RCSD1: variants seen among roughly 807,000 people sequenced by gnomAD.
RCSD1 encodes RCSD domain containing 1.
In RCSD1, 26 loss-of-function variants were observed where a neutral mutation model predicts 42.5. The ratio of observed to expected loss-of-function variants is 0.61; its 90% CI spans 0.45 to 0.85. The LOEUF (loss-of-function observed/expected upper bound fraction) is 0.85. Among genes scored for constraint, RCSD1 ranks in the 40% least tolerant of loss-of-function variants. RCSD1 has a pLI of 0.00. For synonymous variants in RCSD1, 220 were observed against 212.2 expected, an observed-to-expected ratio of 1.04 and a Z score of -0.32; for missense variants, 571 against 528.3, an observed-to-expected ratio of 1.08 and a Z score of -0.79.
chr1:167,691,800 A>G lies in RCSD1; in HGVS notation c.270+1680A>G, dbSNP rs368678527. ...TACCTGAAATTTAATTCAAACTGAGAAGCCCTGATTCCACCCGGCTGCAGG... is the reference window on the plus strand; with the variant it reads ...TACCTGAAATTTAATTCAAACTGAGGAGCCCTGATTCCACCCGGCTGCAGG... On this transcript the variant is annotated intron_variant, in intron 4 of 6. Coordinates refer to ENST00000367854, the MANE Select transcript of RCSD1 (RefSeq NM_052862.4). Among the ~76,000 whole-genome samples the G allele has an allele frequency of 4.7e-4, 71 of 152,284 alleles. 1 individual carries two copies. The highest frequency in any genetic ancestry group is 1.6e-3 in the African/African-American group (66 of 41,562).
intron 1 of RCSD1, among the ~76,000 whole-genome samples, chr1:167,651,562 CA>C (rs1452254727): frequency 1.3e-5 from 2 of 152,218 alleles, no homozygotes; most frequent in African/African-American, 4.8e-5. Context: ...GCCTTTCTAA[CA>C]CAGAGTGCAA....
chr1:167,639,727 C>T (rs552185372), intron 1 of RCSD1, among the ~76,000 whole-genome samples: 47 of 152,314 alleles, frequency 3.1e-4, no homozygotes, highest in African/African-American at 1.1e-3. Context: ...CTCCTGACCT[C>T]AGGTGATCCA....
At chr1:167,635,623 C>T (rs1343786780) in intron 1 of RCSD1, among the ~76,000 whole-genome samples, 1 of 152,192 alleles carries the variant, frequency 6.6e-6, no homozygotes, top group Non-Finnish European at 1.5e-5. Context: ...CAAGAGAAAG[C>T]ATTTTGGTTC....
At chr1:167,634,202 G>A (rs896326664) in intron 1 of RCSD1, among the ~76,000 whole-genome samples, 2 of 152,174 alleles carry the variant, frequency 1.3e-5, no homozygotes, top group Non-Finnish European at 2.9e-5. Context: ...CACTCTCAGA[G>A]CACTTTGTTC....
chr1:167,687,325 C>T (rs1391066285), intron 3 of RCSD1, among the ~76,000 whole-genome samples: 5 of 152,000 alleles, frequency 3.3e-5, no homozygotes, highest in Non-Finnish European at 5.9e-5. Context: ...GAGATTGAGA[C>T]CATCCTGGCT....
chr1:167,659,582 G>A (rs998485592), intron 1 of RCSD1, among the ~76,000 whole-genome samples: 5 of 152,136 alleles, frequency 3.3e-5, no homozygotes, highest in Non-Finnish European at 7.3e-5. Context: ...AGAGCCAGGC[G>A]TGGGAATCCA....
chr1:167,703,466 C>A (rs1213166799), intron 6 of RCSD1, among the ~76,000 whole-genome samples: 1 of 152,164 alleles, frequency 6.6e-6, no homozygotes, highest in Non-Finnish European at 1.5e-5. Flanking sequence ...CCAGCCTGGG[C>A]AACATGGCAC....
At chr1:167,656,249 A>C (rs1007417838) in intron 1 of RCSD1, among the ~76,000 whole-genome samples, 1 of 152,180 alleles carries the variant, frequency 6.6e-6, no homozygotes, top group African/African-American at 2.4e-5. Flanking sequence ...ACCTGTCTCG[A>C]GTTCTATGAC....
At chr1:167,640,210 C>T (rs1380473565) in intron 1 of RCSD1, among the ~76,000 whole-genome samples, 2 of 152,172 alleles carry the variant, frequency 1.3e-5, no homozygotes, top group Non-Finnish European at 2.9e-5. Context: ...ACAACAGAAA[C>T]GTCTCCTTTC....
chr1:167,691,583 G>A (rs80258896), intron 4 of RCSD1, among the ~76,000 whole-genome samples: 1,751 of 152,328 alleles, frequency 0.011, 33 homozygotes, highest in African/African-American at 0.041. Context: ...AGGCCCAACT[G>A]AGAGCACCGG....
At chr1:167,636,963 G>A (rs1016789991) in intron 1 of RCSD1, among the ~76,000 whole-genome samples, 9 of 152,180 alleles carry the variant, frequency 5.9e-5, no homozygotes, top group African/African-American at 1.2e-4. Context: ...AAAGGGGTAC[G>A]TATCTACCAG....
intron 1 of RCSD1, among the ~76,000 whole-genome samples, chr1:167,661,245 A>G (rs1188971898): frequency 6.6e-6 from 1 of 152,232 alleles, no homozygotes; most frequent in Non-Finnish European, 1.5e-5. Flanking sequence ...TGAAGTCGAG[A>G]AAAGATAGGT....
At chr1:167,640,038 G>A (rs1224552530) in intron 1 of RCSD1, among the ~76,000 whole-genome samples, 1 of 152,160 alleles carries the variant, frequency 6.6e-6, no homozygotes, top group Non-Finnish European at 1.5e-5. Flanking sequence ...GTTTTCCTTG[G>A]GGAAACAAAT....
At chr1:167,672,634 A>T (rs1446442875) in intron 1 of RCSD1, among the ~76,000 whole-genome samples, 1 of 152,180 alleles carries the variant, frequency 6.6e-6, no homozygotes, top group Non-Finnish European at 1.5e-5. Flanking sequence ...TTCCACTTTA[A>T]GGGCTCTTGT....
intron 1 of RCSD1, among the ~76,000 whole-genome samples, chr1:167,669,029 C>T (rs1658729233): frequency 6.6e-6 from 1 of 152,190 alleles, no homozygotes; most frequent in Non-Finnish European, 1.5e-5. Flanking sequence ...TTTTCTTCTG[C>T]CTCCGAATTA....
rs138625507 is a variant in RCSD1 at position 167,635,078 on chromosome 1, G to T, written c.6+4649G>T. Among the ~76,000 whole-genome samples the T allele has an allele frequency of 3.9e-5, 6 of 152,190 alleles. No homozygotes were observed. The East Asian group carries it at 1.2e-3, about 29-fold the overall frequency. ...ACATTTTTTAAAATTATGGGACTAG[G>T]AGATAGAAGAGAAACATGTAACGAA... On this transcript the variant is annotated intron_variant, in intron 1 of 6. Transcript: ENST00000367854.
At chr1:167,631,605 C>T (rs11579633) in intron 1 of RCSD1, among the ~76,000 whole-genome samples, 48,895 of 152,184 alleles carry the variant, frequency 0.32, 9,399 homozygotes, top group Non-Finnish European at 0.42. Context: ...CCACCTCAGC[C>T]TCCCAAGTGG....
intron 1 of RCSD1, among the ~76,000 whole-genome samples, chr1:167,670,357 GAAA>G (rs58634704): frequency 2.5e-3 from 333 of 132,360 alleles, no homozygotes; most frequent in Non-Finnish European, 4.3e-3. Context: ...CTTTGCAAAA[GAAA>G]AAAAAAAAAA....
Position 167,670,926 on chromosome 1 carries a change from G to A in RCSD1, c.7-12974G>A, listed in dbSNP as rs1463247313. Among the ~76,000 whole-genome samples, 4 of 152,112 alleles carry A rather than the reference G, an allele frequency of 2.6e-5. No individual in the cohort carries two copies. The East Asian group carries it at 7.7e-4, about 29-fold the overall frequency. On this transcript the variant is annotated intron_variant, in intron 1 of 6. Coordinates refer to ENST00000367854, the MANE Select transcript of RCSD1 (RefSeq NM_052862.4). ...CCCATCCAGGCCATCATCCTCTCTA[G>A]TTTTAAAGACTCCTGAAATCAACAG...
Sources: gnomAD v4.1 joint callset for allele counts (sites outside exome capture counted in the v4.1 genomes callset) on GRCh38, gnomAD v4.1.1 for gene constraint, MANE v1.5 for transcripts, NCBI Gene and HGNC (gene_info 2026-07-23, HGNC 2026-07-21) for gene names.